The following ZNF804B variants were observed in gnomAD, a reference collection of about 807,000 sequenced individuals.
ZNF804B encodes zinc finger 804B.
A neutral mutation model predicts 101.4 loss-of-function variants in ZNF804B; 80 were observed. The observed-to-expected ratio is 0.79, with a 90% CI of 0.66 to 0.95. The LOEUF (loss-of-function observed/expected upper bound fraction) is 0.95, where lower values mean the gene tolerates loss of function less well. Among genes scored for constraint, ZNF804B ranks in the 40% least tolerant of loss-of-function variants. The pLI, the probability that ZNF804B is intolerant of heterozygous loss-of-function variation, is 0.00. For missense variants in ZNF804B, 1,673 were observed against 1,561.9 expected, an observed-to-expected ratio of 1.07 and a Z score of -1.20; for synonymous variants, 622 against 558.8, an observed-to-expected ratio of 1.11 and a Z score of -1.59.
In ZNF804B at chr7:89,225,345, AG is replaced by A. The variant is rs111261073; in HGVS notation, c.249+7051del. On this transcript the variant is annotated intron_variant, in intron 2 of 3. Transcript: ENST00000333190. The stretch of plus-strand genomic sequence containing the variant: ...TGTGTTTTGTTTGGTTTTTTGAAAG[AG>A]TTGATAGACCAGCAGAAAACTGCTT... Among the ~76,000 whole-genome samples, 372 of 152,238 alleles carry A rather than the reference AG, an allele frequency of 2.4e-3. 3 individuals carry two copies. Among genetic ancestry groups the A allele is most frequent in the African/African-American group, 8.7e-3 (360 of 41,564 alleles).
intron 1 of ZNF804B, among the ~76,000 whole-genome samples, chr7:88,779,237 GA>G (rs1790189618): frequency 6.6e-6 from 1 of 152,178 alleles, no homozygotes; most frequent in African/African-American, 2.4e-5. Context: ...TAATGAATCA[GA>G]ATGTCTGGAG....
At chr7:88,904,655 G>C (rs1158485954) in intron 1 of ZNF804B, among the ~76,000 whole-genome samples, 1 of 151,926 alleles carries the variant, frequency 6.6e-6, no homozygotes, top group African/African-American at 2.4e-5. Flanking sequence ...CCTTTGTAGA[G>C]AATTTTCATC....
At chr7:88,856,532 C>T (rs10230722) in intron 1 of ZNF804B, among the ~76,000 whole-genome samples, 6,638 of 151,876 alleles carry the variant, frequency 0.044, 422 homozygotes, top group African/African-American at 0.14. Flanking sequence ...TTTCTAGATA[C>T]ACAATCATGT....
chr7:89,201,915 G>A (rs1024330464), intron 1 of ZNF804B, among the ~76,000 whole-genome samples: 4 of 152,028 alleles, frequency 2.6e-5, no homozygotes, highest in Non-Finnish European at 5.9e-5. Flanking sequence ...GCTTAGGTAT[G>A]TACCTGTGTT....
chr7:88,787,223 G>A (rs1027096571), intron 1 of ZNF804B, among the ~76,000 whole-genome samples: 2 of 152,072 alleles, frequency 1.3e-5, no homozygotes, highest in African/African-American at 2.4e-5. Context: ...AAGTAAGCAT[G>A]GATCAGAGAA....
intron 1 of ZNF804B, among the ~76,000 whole-genome samples, chr7:89,109,374 C>T (rs936651710): frequency 6.6e-6 from 1 of 152,112 alleles, no homozygotes; most frequent in Non-Finnish European, 1.5e-5. Flanking sequence ...AATTTTATAT[C>T]ATGATGTTAA....
At chr7:89,019,853 T>C (rs560080900) in intron 1 of ZNF804B, among the ~76,000 whole-genome samples, 14 of 152,146 alleles carry the variant, frequency 9.2e-5, no homozygotes, top group Admixed American at 8.5e-4. Flanking sequence ...TCTATACAGG[T>C]GAGCTGAGTT....
chr7:89,089,219 C>T (rs962944420), intron 1 of ZNF804B, among the ~76,000 whole-genome samples: 1 of 151,944 alleles, frequency 6.6e-6, no homozygotes, highest in African/African-American at 2.4e-5. Flanking sequence ...TTTCTCAGCT[C>T]ATTGCTAATT....
intron 2 of ZNF804B, among the ~76,000 whole-genome samples, chr7:89,320,054 G>A (rs1181287432): frequency 1.3e-5 from 2 of 150,796 alleles, no homozygotes; most frequent in African/African-American, 2.4e-5. Flanking sequence ...GAAATGGGGT[G>A]GGGGGCTAGG....
At chr7:89,219,500 G>A (rs1189518886) in intron 2 of ZNF804B, among the ~76,000 whole-genome samples, 1 of 151,666 alleles carries the variant, frequency 6.6e-6, no homozygotes, top group Non-Finnish European at 1.5e-5. Flanking sequence ...TTATTAGTGT[G>A]GATATACTAC....
At chr7:89,135,747 A>T in intron 1 of ZNF804B, among the ~76,000 whole-genome samples, 1 of 152,216 alleles carries the variant, frequency 6.6e-6, no homozygotes, top group Middle Eastern at 3.4e-3. Context: ...TGTTATAAAA[A>T]ACTATTACAT....
At chr7:88,805,512 T>C (rs2115721747) in intron 1 of ZNF804B, among the ~76,000 whole-genome samples, 1 of 152,328 alleles carries the variant, frequency 6.6e-6, no homozygotes, top group Admixed American at 6.5e-5. Context: ...CCTCCACATT[T>C]CTTTGGAAAC....
chr7:89,320,651 A>G (rs1790804622), intron 2 of ZNF804B, among the ~76,000 whole-genome samples: 1 of 152,122 alleles, frequency 6.6e-6, no homozygotes, highest in Non-Finnish European at 1.5e-5. Context: ...AAAGATACAA[A>G]ACTACAGATT....
intron 2 of ZNF804B, among the ~76,000 whole-genome samples, chr7:89,246,295 C>G (rs915686432): frequency 8.5e-5 from 13 of 152,222 alleles, no homozygotes; most frequent in Non-Finnish European, 1.6e-4. Flanking sequence ...GTTTGTCAAC[C>G]TGGAACTGTC....
intron 1 of ZNF804B, among the ~76,000 whole-genome samples, chr7:88,973,746 TAGTC>T (rs892848764): frequency 8.6e-5 from 13 of 151,502 alleles, no homozygotes; most frequent in East Asian, 3.9e-4. Context: ...TTAAACTTAA[TAGTC>T]AGTGGTTTCT....
intron 1 of ZNF804B, among the ~76,000 whole-genome samples, chr7:88,893,891 G>A (rs1792248388): frequency 6.6e-6 from 1 of 151,862 alleles, no homozygotes; most frequent in East Asian, 1.9e-4. Context: ...AACTTAATGT[G>A]GAAAAAGGAT....
At chr7:88,851,996 A>G (rs894461110) in intron 1 of ZNF804B, among the ~76,000 whole-genome samples, 2 of 152,156 alleles carry the variant, frequency 1.3e-5, no homozygotes, top group African/African-American at 4.8e-5. Context: ...AGTTTCTTCA[A>G]GTCTAATTGG....
intron 1 of ZNF804B, among the ~76,000 whole-genome samples, chr7:88,854,402 T>TCTTTCTTCCTTCCTTC (rs1554340129): frequency 3.8e-5 from 5 of 130,386 alleles, no homozygotes; most frequent in African/African-American, 1.2e-4. Context: ...TTTCTTTCTT[T>TCTTTCTTCCTTCCTTC]CTTTCTTTCT....
intron 1 of ZNF804B, among the ~76,000 whole-genome samples, chr7:89,156,437 A>G (rs1182805128): frequency 6.6e-6 from 1 of 152,132 alleles, no homozygotes; most frequent in Non-Finnish European, 1.5e-5. Flanking sequence ...CTCAGAAGGA[A>G]TTTACTCAGC....
Sources: allele counts gnomAD v4.1 joint callset (sites outside exome capture counted in the v4.1 genomes callset), GRCh38; gene constraint gnomAD v4.1.1; transcripts MANE v1.5; gene names NCBI Gene and HGNC (gene_info 2026-07-23, HGNC 2026-07-21).